NRCAM: variants seen among roughly 807,000 people sequenced by gnomAD.
NRCAM encodes the protein NgCAM-related cell adhesion molecule.
In NRCAM, 83 loss-of-function variants were observed where a neutral mutation model predicts 156.5. That is an observed-to-expected ratio of 0.53 (90% CI 0.44 to 0.64). NRCAM has a LOEUF of 0.64. NRCAM is among the 30% of genes least tolerant of loss of function. The probability of loss-of-function intolerance (pLI) is 0.00; values close to 1 mark genes in which losing one functional copy is unlikely to be tolerated. For synonymous variants in NRCAM, 538 were observed against 563.9 expected (o/e 0.95, Z 0.65); for missense variants, 1,417 against 1,597.3 (o/e 0.89, Z 1.92).
intron 2 of NRCAM, among the ~76,000 whole-genome samples, chr7:108,369,838 G>A (rs2099617391): frequency 6.6e-6 from 1 of 152,034 alleles, no homozygotes; most frequent in South Asian, 2.1e-4. Context: ...TATGCTTCAG[G>A]TACTTAGAAT....
intron 30 of NRCAM, among the ~76,000 whole-genome samples, chr7:108,162,262 G>A (rs1273425759): frequency 1.3e-5 from 2 of 152,180 alleles, no homozygotes; most frequent in Non-Finnish European, 2.9e-5. Context: ...AAAATCTTAA[G>A]TTAAAGAATA....
chr7:108,350,657 G>T (rs371740884), intron 2 of NRCAM, among the ~76,000 whole-genome samples: 135 of 151,804 alleles, frequency 8.9e-4, no homozygotes, highest in African/African-American at 3.1e-3. Flanking sequence ...CTCCCCTGTT[G>T]GTGCCTCCAA....
At chr7:108,369,458 A>G (rs936205319) in intron 2 of NRCAM, among the ~76,000 whole-genome samples, 1 of 152,168 alleles carries the variant, frequency 6.6e-6, no homozygotes, top group African/African-American at 2.4e-5. Flanking sequence ...ATCACTTTTT[A>G]AATTCATTTA....
intron 9 of NRCAM, 22 bp from the exon 10 acceptor site, chr7:108,225,723 GA>G (rs778068515): frequency 1.1e-5 from 17 of 1,511,100 alleles, no homozygotes; most frequent in Non-Finnish European, 1.6e-5. Context: ...AGAATATTAT[GA>G]AGAGGGCATA....
intron 25 of NRCAM, chr7:108,178,456 C>G (rs1326978846): frequency 1.1e-5 from 4 of 374,168 alleles, no homozygotes; most frequent in Non-Finnish European, 2.0e-5. Context: ...CCAAGTGAAA[C>G]TATTCTAACT....
chr7:108,426,364 G>C (rs544480137), intron 1 of NRCAM, among the ~76,000 whole-genome samples: 1 of 152,350 alleles, frequency 6.6e-6, no homozygotes, highest in African/African-American at 2.4e-5. Context: ...GTGAGCACTT[G>C]ATACTTCCCC....
chr7:108,302,341 C>T (rs2098639244), intron 3 of NRCAM, among the ~76,000 whole-genome samples: 2 of 152,084 alleles, frequency 1.3e-5, no homozygotes, highest in African/African-American at 4.8e-5. Flanking sequence ...GTTTCTACAG[C>T]TAGTTCTCTT....
chr7:108,201,572 G>T, intron 13 of NRCAM, among the ~76,000 whole-genome samples: 1 of 152,146 alleles, frequency 6.6e-6, no homozygotes, highest in Non-Finnish European at 1.5e-5. Context: ...TTTGTTATGT[G>T]TTTTTACCAC....
chr7:108,427,302 C>A (rs1160478007), intron 1 of NRCAM, among the ~76,000 whole-genome samples: 1 of 152,200 alleles, frequency 6.6e-6, no homozygotes, highest in African/African-American at 2.4e-5. Flanking sequence ...TTCTGGTGTG[C>A]TAGTCCTCAC....
intron 2 of NRCAM, among the ~76,000 whole-genome samples, chr7:108,334,816 T>C (rs370631933): frequency 4.6e-5 from 7 of 152,176 alleles, no homozygotes; most frequent in African/African-American, 1.7e-4. Context: ...TAAAATAGTA[T>C]CTAGTAGTCA....
intron 13 of NRCAM, among the ~76,000 whole-genome samples, chr7:108,200,684 G>C (rs2077457046): frequency 6.7e-6 from 1 of 149,584 alleles, no homozygotes. Context: ...ATTCGCAATT[G>C]CAAAAATATG....
intron 3 of NRCAM, among the ~76,000 whole-genome samples, chr7:108,277,167 A>C (rs2097665602): frequency 6.6e-6 from 1 of 151,864 alleles, no homozygotes; most frequent in Non-Finnish European, 1.5e-5. Context: ...TGCCCTTAAC[A>C]TTTTTTCCTT....
chr7:108,201,037 T>C (rs1189681746), intron 13 of NRCAM, among the ~76,000 whole-genome samples: 1 of 152,044 alleles, frequency 6.6e-6, no homozygotes, highest in African/African-American at 2.4e-5. Flanking sequence ...GTACAGTGTG[T>C]ACACTGCTCG....
intron 20 of NRCAM, among the ~76,000 whole-genome samples, chr7:108,186,579 G>C (rs1209102586): frequency 6.6e-6 from 1 of 151,994 alleles, no homozygotes; most frequent in East Asian, 1.9e-4. Context: ...TAACTCAGTA[G>C]TTCCCAAACT....
intron 30 of NRCAM, among the ~76,000 whole-genome samples, chr7:108,163,760 G>A (rs1047016826): frequency 5.3e-5 from 8 of 150,704 alleles, no homozygotes; most frequent in Non-Finnish European, 7.4e-5. Flanking sequence ...CTAATGAGCA[G>A]TCATACCAGG....
At chr7:108,390,734 A>G (rs1167766148) in intron 2 of NRCAM, among the ~76,000 whole-genome samples, 1 of 152,116 alleles carries the variant, frequency 6.6e-6, no homozygotes, top group Non-Finnish European at 1.5e-5. Flanking sequence ...CCCTCTACAC[A>G]CTGCTTTAAA....
At position 108,297,316 on chromosome 7, in the gene NRCAM, C is replaced by T. The variant is rs1243304096; in HGVS notation, c.-107+15349G>A. Among the ~76,000 whole-genome samples the T allele has an allele frequency of 2.0e-5, 3 of 152,138 alleles. No individual in the cohort carries two copies. The East Asian group carries it at 5.8e-4, about 29-fold the overall frequency. ...TCTTTTGATTGTTTTCCAACTCTAC[C>T]TCCGCATTTTAACAATGGAAAGCCA... On this transcript the variant is annotated intron_variant, in intron 3 of 32. Transcript: ENST00000379028.
Position 108,237,698 on chromosome 7 carries a change from CA to C in NRCAM, c.124+53del, listed in dbSNP as rs2095202239. On this transcript the variant is annotated intron_variant, in intron 5 of 32. Coordinates refer to ENST00000379028, the MANE Select transcript of NRCAM (RefSeq NM_001037132.4). ...TAAATCACAATATTAATTCAAAAAG[CA>C]AAGACATGGTCACATTTTCACACTG... The C allele has an allele frequency of 2.9e-6, 4 of 1,384,698 alleles. No homozygotes were observed. In the East Asian group the frequency reaches 9.8e-5, roughly 34 times the overall value. 85.8% of individuals were successfully genotyped at this position (1,384,698 alleles called of 1,614,324 possible).
intron 11 of NRCAM, among the ~76,000 whole-genome samples, chr7:108,217,172 G>A (rs1295727525): frequency 6.6e-6 from 1 of 152,104 alleles, no homozygotes; most frequent in Non-Finnish European, 1.5e-5. Context: ...TAACAGTCAG[G>A]GCCCTCTGCT....
Sources: gnomAD v4.1 joint callset for allele counts (sites outside exome capture counted in the v4.1 genomes callset) on GRCh38, gnomAD v4.1.1 for gene constraint, MANE v1.5 for transcripts, NCBI Gene and HGNC (gene_info 2026-07-23, HGNC 2026-07-21) for gene names.